Variants in DLG2 observed in about 807,000 individuals in gnomAD.
The protein encoded by DLG2 is discs large MAGUK scaffold protein 2, also known as disks large homolog 2.
Under a neutral mutation model 132.5 loss-of-function variants are expected in DLG2, and 45 were observed. The observed-to-expected ratio is 0.34, with a 90% CI of 0.27 to 0.44. The LOEUF (loss-of-function observed/expected upper bound fraction) is 0.44. DLG2 is among the 20% of genes least tolerant of loss of function. The pLI, the probability that DLG2 is intolerant of heterozygous loss-of-function variation, is 1.00. For synonymous variants in DLG2, 424 were observed against 419.6 expected (o/e 1.01, Z -0.13); for missense variants, 1,045 against 1,196.9 (o/e 0.87, Z 1.87).
intron 6 of DLG2, among the ~76,000 whole-genome samples, chr11:84,678,067 G>A (rs2099718740): frequency 6.6e-6 from 1 of 151,942 alleles, no homozygotes; most frequent in Non-Finnish European, 1.5e-5. Context: ...GTAAAAAATT[G>A]CGTCCCTGAA....
rs918979833 is a variant in DLG2, at chr11:84,544,103, C to A, written c.358-9372G>T. 5.3e-5 allele frequency among the ~76,000 whole-genome samples: 8 copies of A among 152,286 alleles called. 1 individual carries two copies. Among genetic ancestry groups the A allele is most frequent in the Admixed American group, 2.0e-4 (3 of 15,298 alleles). ...AGAACTTACTCTAGCTCAGTGCCAC[C>A]CTCCATCTGTTAACTGAAGATATTG... On this transcript the variant is annotated intron_variant, in intron 6 of 27. Coordinates refer to ENST00000376104, the MANE Select transcript of DLG2 (RefSeq NM_001142699.3).
chr11:85,458,314 T>C (rs1226053470), intron 3 of DLG2, among the ~76,000 whole-genome samples: 1 of 152,222 alleles, frequency 6.6e-6, no homozygotes, highest in Admixed American at 6.5e-5. Flanking sequence ...ATAATGGCCA[T>C]TTTTATCTAT....
intron 6 of DLG2, among the ~76,000 whole-genome samples, chr11:84,672,635 A>G (rs1241768857): frequency 4.6e-5 from 7 of 152,108 alleles, no homozygotes; most frequent in Non-Finnish European, 8.8e-5. Context: ...GGACTTCTAG[A>G]AAAGCGCCTT....
intron 18 of DLG2, among the ~76,000 whole-genome samples, chr11:83,670,684 GA>G (rs2076689094): frequency 6.6e-6 from 1 of 151,960 alleles, no homozygotes; most frequent in Non-Finnish European, 1.5e-5. Flanking sequence ...GGAACATCAT[GA>G]ATGTTTTAAT....
intron 18 of DLG2, among the ~76,000 whole-genome samples, chr11:83,671,717 G>A (rs1376786350): frequency 6.6e-6 from 1 of 151,968 alleles, no homozygotes; most frequent in East Asian, 1.9e-4. Flanking sequence ...ATTATTTTGA[G>A]GCAAATAATT....
In DLG2 at chr11:83,863,969, T is replaced by C. The variant is rs533937435; in HGVS notation, c.1565+10451A>G. 2.8e-4 allele frequency among the ~76,000 whole-genome samples: 42 copies of C among 152,292 alleles called. No individual in the cohort carries two copies. In the South Asian group the frequency reaches 7.9e-3, roughly 29 times the overall value. On this transcript the variant is annotated intron_variant, in intron 16 of 27. Coordinates refer to ENST00000376104, the MANE Select transcript of DLG2 (RefSeq NM_001142699.3). ...TTGAAATGCAATTTCCCATCAATGT[T>C]CATAATTAATGCTTGACCACAGGAG...
At chr11:84,236,923 G>GTT (rs910983902) in intron 8 of DLG2, among the ~76,000 whole-genome samples, 2 of 136,746 alleles carry the variant, frequency 1.5e-5, no homozygotes, top group Non-Finnish European at 1.6e-5. Flanking sequence ...GCATCAGTAT[G>GTT]TTTTTTTTTT....
At chr11:84,218,625 G>GC (rs2096872388) in intron 8 of DLG2, among the ~76,000 whole-genome samples, 2 of 152,178 alleles carry the variant, frequency 1.3e-5, no homozygotes, top group East Asian at 3.8e-4. Context: ...AAGTTTGGCA[G>GC]ACCCTTAAAA....
intron 5 of DLG2, among the ~76,000 whole-genome samples, chr11:85,130,679 G>A (rs1350848619): frequency 1.3e-5 from 2 of 152,172 alleles, no homozygotes; most frequent in African/African-American, 4.8e-5. Context: ...CTTATTGCTG[G>A]GGGATAAGGA....
intron 6 of DLG2, among the ~76,000 whole-genome samples, chr11:84,703,199 A>G (rs1483913179): frequency 6.6e-6 from 1 of 151,658 alleles, no homozygotes; most frequent in African/African-American, 2.4e-5. Context: ...TGCTTAGATT[A>G]ATTGAGTCAT....
intron 16 of DLG2, among the ~76,000 whole-genome samples, chr11:83,836,968 G>C (rs538426069): frequency 2.0e-5 from 3 of 152,270 alleles, no homozygotes; most frequent in South Asian, 2.1e-4. Context: ...ATTGCCACTA[G>C]GTGGGAGTAG....
intron 12 of DLG2, among the ~76,000 whole-genome samples, chr11:83,971,858 G>A (rs2091408405): frequency 6.6e-6 from 1 of 152,052 alleles, no homozygotes. Context: ...ATAATAAAAT[G>A]TATTCAAAAT....
intron 11 of DLG2, among the ~76,000 whole-genome samples, chr11:84,054,235 A>T (rs1254642968): frequency 6.6e-6 from 1 of 152,090 alleles, no homozygotes; most frequent in Admixed American, 6.6e-5. Context: ...AGAAACAAAC[A>T]GTTCTGTACT....
At chr11:84,168,089 G>A (rs1308337263) in intron 8 of DLG2, among the ~76,000 whole-genome samples, 1 of 152,204 alleles carries the variant, frequency 6.6e-6, no homozygotes, top group East Asian at 1.9e-4. Flanking sequence ...TATTAAGCAT[G>A]CATAAAGTGT....
chr11:84,192,276 TG>T, intron 8 of DLG2, among the ~76,000 whole-genome samples: 1 of 152,288 alleles, frequency 6.6e-6, no homozygotes, highest in African/African-American at 2.4e-5. Flanking sequence ...CTCCACATAA[TG>T]GTAAGATAAT....
intron 17 of DLG2, among the ~76,000 whole-genome samples, chr11:83,787,340 T>TTTTTTTTTTTTAG (rs66699053): frequency 9.7e-6 from 1 of 102,756 alleles, no homozygotes. Context: ...TTTTTTTTTT[T>TTTTTTTTTTTTAG]AGACAGAGTC....
At chr11:85,321,188 C>T (rs2152824209) in intron 3 of DLG2, among the ~76,000 whole-genome samples, 1 of 151,838 alleles carries the variant, frequency 6.6e-6, no homozygotes, top group East Asian at 1.9e-4. Context: ...TGCCTATAGA[C>T]TACATGAAGG....
intron 18 of DLG2, among the ~76,000 whole-genome samples, chr11:83,760,496 A>C (rs144334972): frequency 2.6e-5 from 4 of 151,314 alleles, no homozygotes; most frequent in African/African-American, 4.9e-5. Flanking sequence ...CTGGGATTAC[A>C]GGTGCCTGCC....
intron 15 of DLG2, among the ~76,000 whole-genome samples, chr11:83,883,445 G>T (rs1027210258): frequency 6.6e-6 from 1 of 152,084 alleles, no homozygotes; most frequent in African/African-American, 2.4e-5. Context: ...ATTTAGGTAA[G>T]AATTAAAAGT....
Sources: gnomAD v4.1 joint callset for allele counts (sites outside exome capture counted in the v4.1 genomes callset) on GRCh38, gnomAD v4.1.1 for gene constraint, MANE v1.5 for transcripts, NCBI Gene and HGNC (gene_info 2026-07-23, HGNC 2026-07-21) for gene names.